The following ARL5B variants were observed in gnomAD, a reference collection of about 807,000 sequenced individuals.
The protein encoded by ARL5B is ADP-ribosylation factor-like protein 5B.
ARL5B carries 10 observed loss-of-function variants against 26.9 expected under a neutral mutation model. The ratio of observed to expected loss-of-function variants is 0.37; its 90% CI spans 0.23 to 0.63. The LOEUF (loss-of-function observed/expected upper bound fraction) is 0.63. Ranked by LOEUF, ARL5B falls within the 30% of genes least tolerant of loss-of-function variation. The pLI is 0.62. For synonymous variants in ARL5B, 87 were observed against 70.4 expected (o/e 1.24, Z -1.18); for missense variants, 167 against 213.9 (o/e 0.78, Z 1.37).
chr10:18,672,468 T>C (rs2059892236), intron 3 of ARL5B, among the ~76,000 whole-genome samples, 154 bp from the exon 4 acceptor site: 1 of 152,236 alleles, frequency 6.6e-6, no homozygotes, highest in Admixed American at 6.5e-5. Flanking sequence ...TGTGGTTCAG[T>C]ATTATAAAAG....
At chr10:18,665,674 A>T (rs1490387785) in intron 1 of ARL5B, among the ~76,000 whole-genome samples, 1 of 152,176 alleles carries the variant, frequency 6.6e-6, no homozygotes, top group Non-Finnish European at 1.5e-5. Flanking sequence ...GTTGCCTACA[A>T]ATCAACTGTG....
chr10:18,678,263 A>G lies in ARL5B; in HGVS notation c.*3047A>G, dbSNP rs192240182. The G allele has an allele frequency of 2.0e-5, 3 of 151,988 alleles. No homozygotes were observed. Among genetic ancestry groups the G allele is most frequent in the East Asian group, 1.9e-4 (1 of 5,186 alleles). 9.4% of individuals were successfully genotyped at this position (151,988 alleles called of 1,614,324 possible). ...TTAAAGGTATCAATACTTTTATTCT[A>G]TATTCATTAGAAGAAAGGTAATAAA... On this transcript the variant is annotated 3_prime_UTR_variant, in exon 6 of 6. Transcript: ENST00000377275.
chr10:18,672,658 C>T lies in ARL5B; in HGVS notation c.292C>T (p.Arg98Ter), dbSNP rs1266683391. 1.2e-6 allele frequency: 2 copies of T among 1,609,910 alleles called. No individual in the cohort carries two copies. Among genetic ancestry groups the T allele is most frequent in the Non-Finnish European group, 1.7e-6 (2 of 1,178,004 alleles). The change falls in exon 4 of 6, where the codon CGA becomes TGA. Residue 98 changes from arginine to a stop codon, truncating the protein, a stop_gained. Transcript: ENST00000377275. LOFTEE classifies it high-confidence loss of function. The part of the protein sequence containing the change: ...ILVVDSIDRE[R>*]LAITKEELYR... ...TGTTGTTGATAGCATTGACAGGGAACGACTAGCTATTACAAAAGAAGAATT... is the reference window on the plus strand; with the variant it reads ...TGTTGTTGATAGCATTGACAGGGAATGACTAGCTATTACAAAAGAAGAATT...
chr10:18,673,540 T>C lies in ARL5B; in HGVS notation c.340-444T>C, dbSNP rs946317933. ...TTTCCACAGTATGAGTATATCACAA[T>C]CTATTCTTCTAATGTTTTCATAGTA... On this transcript the variant is annotated intron_variant, in intron 4 of 5. Coordinates refer to ENST00000377275, the MANE Select transcript of ARL5B (RefSeq NM_178815.5). Among the ~76,000 whole-genome samples the C allele has an allele frequency of 5.9e-5, 9 of 152,334 alleles. No individual in the cohort carries two copies. In the East Asian group the frequency reaches 9.6e-4, roughly 16 times the overall value.
chr10:18,664,859 A>G (rs540872340), intron 1 of ARL5B, among the ~76,000 whole-genome samples: 1 of 152,300 alleles, frequency 6.6e-6, no homozygotes, highest in Admixed American at 6.5e-5. Flanking sequence ...ATAGTGCAAA[A>G]GTGAAGCAAG....
rs898857869 is a variant in ARL5B, at chr10:18,675,346, C to G, written c.*130C>G. 28 of 833,630 alleles carry G rather than the reference C, an allele frequency of 3.4e-5. No homozygotes were observed. Among genetic ancestry groups the G allele is most frequent in the Non-Finnish European group, 5.0e-5 (26 of 518,006 alleles). The allele number at this position is 833,630 out of a possible 1,614,324, so 51.6% of individuals were successfully genotyped here. ...AAACCTCTGAGAGCAACACTTGAAT[C>G]AAGTGCAGCTGAACTGGAACATAAA... On this transcript the variant is annotated 3_prime_UTR_variant, in exon 6 of 6. Coordinates refer to ENST00000377275, the MANE Select transcript of ARL5B (RefSeq NM_178815.5).
chr10:18,671,933 G>A (rs1015233486), intron 3 of ARL5B, among the ~76,000 whole-genome samples: 2 of 152,204 alleles, frequency 1.3e-5, no homozygotes, highest in Non-Finnish European at 2.9e-5. Flanking sequence ...TTATATGTGT[G>A]TGAGCCACAA....
chr10:18,671,957 T>G (rs1444024650), intron 3 of ARL5B, among the ~76,000 whole-genome samples: 1 of 152,196 alleles, frequency 6.6e-6, no homozygotes, highest in Non-Finnish European at 1.5e-5. Context: ...CTGGCCTATA[T>G]CTTCTTATTT....
rs185836660 is a variant in ARL5B, at chr10:18,662,691, T to A, written c.46+3008T>A. 3.8e-3 allele frequency among the ~76,000 whole-genome samples: 572 copies of A among 151,910 alleles called. 4 individuals carry two copies. Among genetic ancestry groups the A allele is most frequent in the African/African-American group, 0.013 (522 of 41,416 alleles). On this transcript the variant is annotated intron_variant, in intron 1 of 5. Transcript: ENST00000377275. ...GAAACCTGTCATCAGTTATTTCTTT[T>A]TTTGTTGTTTGTTTGTTTTTTTTTT...
rs2059872335 is a variant in ARL5B at position 18,668,637 on chromosome 10, C to G, written c.215C>G (p.Ser72Cys). The G allele has an allele frequency of 1.5e-5, 24 of 1,614,080 alleles. No individual in the cohort carries two copies. The highest frequency in any genetic ancestry group is 1.9e-5 in the Non-Finnish European group (23 of 1,180,014). Residue 72 changes from serine to cysteine, a missense_variant, in exon 3 of 6, where the codon TCT becomes TGT. Transcript: ENST00000377275. ...ATGTGGGATATTGGTGGTCAGGAGT[C>G]TCTGCGATCATCCTGGAACACATAT... is the stretch of plus-strand genomic sequence containing the variant. ...FLMWDIGGQE[S>C]LRSSWNTYYS...
At position 18,660,191 on chromosome 10, in the gene ARL5B, G is replaced by A. The variant is rs7093518; in HGVS notation, c.46+508G>A. On this transcript the variant is annotated intron_variant, in intron 1 of 5. Coordinates refer to ENST00000377275, the MANE Select transcript of ARL5B (RefSeq NM_178815.5). ...TGGGAATGAGTTGTCCTATTCAGAT[G>A]CACGAGTTTTCCAGCATCTTCATTG... Among the ~76,000 whole-genome samples the A allele has an allele frequency of 8.3e-3, 1,259 of 152,114 alleles. 14 individuals are homozygous for A. Among genetic ancestry groups the A allele is most frequent in the South Asian group, 0.033 (158 of 4,810 alleles).
rs2059912036 is a variant in ARL5B at position 18,676,721 on chromosome 10, T to G, written c.*1505T>G. The G allele has an allele frequency of 6.6e-6, 1 of 151,998 alleles. No homozygotes were observed. Among genetic ancestry groups the G allele is most frequent in the African/African-American group, 2.4e-5 (1 of 41,434 alleles). 9.4% of individuals were successfully genotyped at this position (151,998 alleles called of 1,614,324 possible). On this transcript the variant is annotated 3_prime_UTR_variant, in exon 6 of 6. Transcript: ENST00000377275. ...AAATTGGTATTTTAATTTTAATATT[T>G]TTGTAAGTTGATTTAAATTTTGCTC...
At chr10:18,668,752 G>A in intron 3 of ARL5B, 75 bp downstream of exon 3, 1 of 1,451,358 alleles carries the variant, frequency 6.9e-7, no homozygotes, top group Admixed American at 2.3e-5. Flanking sequence ...GGCTGCACCT[G>A]GGCGTATTGA....
chr10:18,668,468 A>T (rs973059450), intron 2 of ARL5B, 62 bp from the exon 3 acceptor site: 4 of 1,572,644 alleles, frequency 2.5e-6, no homozygotes, highest in Non-Finnish European at 3.5e-6. Context: ...AAATACAGAG[A>T]TAAAAGTTGC....
rs192474284 is a variant in ARL5B at position 18,674,199 on chromosome 10, A to T, written c.491+64A>T. 6 of 1,481,830 alleles carry T rather than the reference A, an allele frequency of 4.0e-6. No homozygotes were observed. In the Admixed American group the frequency reaches 8.5e-5, roughly 21 times the overall value. The allele number at this position is 1,481,830 out of a possible 1,614,324, so 91.8% of individuals were successfully genotyped here. A position where few individuals can be genotyped will look rare whatever the true frequency, so the allele number is the denominator to read the frequency against. ...AAATTTCTTCCAACTTTTTAGGCCA[A>T]CTTGTTTTCTTCATGGGTCCTGTTC... is the stretch of plus-strand genomic sequence containing the variant. On this transcript the variant is annotated intron_variant, in intron 5 of 5. Transcript: ENST00000377275.
Position 18,668,533 on chromosome 10 carries a change from A to G in ARL5B, c.111A>G (p.Leu37=). The G allele has an allele frequency of 6.2e-7, 1 of 1,613,750 alleles. No individual in the cohort carries two copies. Among genetic ancestry groups the G allele is most frequent in the Non-Finnish European group, 8.5e-7 (1 of 1,179,920 alleles). Residue 37 remains leucine, a synonymous_variant, in exon 3 of 6, where the codon TTA becomes TTG. Coordinates refer to ENST00000377275, the MANE Select transcript of ARL5B (RefSeq NM_178815.5). ...AGKTTILYQF[L]MNEVVHTSPT... ...TACGGTGTCTGTTTTTCAACAGCTT[A>G]ATGAATGAAGTGGTTCATACTTCTC...
chr10:18,671,598 T>C (rs1230223124), intron 3 of ARL5B, among the ~76,000 whole-genome samples: 1 of 152,072 alleles, frequency 6.6e-6, no homozygotes, highest in Non-Finnish European at 1.5e-5. Context: ...CTGTATACAG[T>C]GTTCAGCTTA....
intron 4 of ARL5B, 52 bp downstream of exon 4, chr10:18,672,757 G>A (rs568993127): frequency 1.2e-5 from 16 of 1,335,858 alleles, no homozygotes; most frequent in African/African-American, 8.8e-5. Flanking sequence ...GTATCTGTAC[G>A]TTGCCTTTGC....
chr10:18,672,562 T>C (rs1564866576), intron 3 of ARL5B, 60 bp from the exon 4 acceptor site: 3 of 1,254,378 alleles, frequency 2.4e-6, no homozygotes, highest in Non-Finnish European at 3.5e-6. Flanking sequence ...TGAGTAGTTT[T>C]ACAGAAAACT....
Sources: allele counts gnomAD v4.1 joint callset (sites outside exome capture counted in the v4.1 genomes callset), GRCh38; gene constraint gnomAD v4.1.1; transcripts MANE v1.5; gene names NCBI Gene and HGNC (gene_info 2026-07-23, HGNC 2026-07-21).